ETV6: variants seen among roughly 807,000 people sequenced by gnomAD.
The protein encoded by ETV6 is ETS variant transcription factor 6, also known as transcription factor ETV6.
A neutral mutation model predicts 51.1 loss-of-function variants in ETV6; 16 were observed. That is an observed-to-expected ratio of 0.31 (90% CI 0.21 to 0.48). ETV6 has a LOEUF of 0.48. Among genes scored for constraint, ETV6 ranks in the 20% least tolerant of loss-of-function variants. The probability of loss-of-function intolerance (pLI) is 0.99; values close to 1 mark genes in which losing one functional copy is unlikely to be tolerated. For synonymous variants in ETV6, 240 were observed against 224.1 expected (o/e 1.07, Z -0.64); for missense variants, 458 against 594.8 (o/e 0.77, Z 2.39).
At chr12:11,747,250 T>G (rs1226553805) in intron 1 of ETV6, among the ~76,000 whole-genome samples, 1 of 152,214 alleles carries the variant, frequency 6.6e-6, no homozygotes, top group Non-Finnish European at 1.5e-5. Flanking sequence ...AGATGAATGT[T>G]GAGACCCAAA....
At chr12:11,691,725 C>T (rs925911298) in intron 1 of ETV6, among the ~76,000 whole-genome samples, 9 of 152,224 alleles carry the variant, frequency 5.9e-5, no homozygotes, top group African/African-American at 2.2e-4. Context: ...CGATTATACA[C>T]AGTTTATTCA....
intron 2 of ETV6, chr12:11,826,433 A>G (rs1426761533): frequency 6.6e-6 from 1 of 152,246 alleles, no homozygotes; most frequent in Admixed American, 6.5e-5. Flanking sequence ...GAAGAATCGT[A>G]AGCCATGAAT....
At chr12:11,881,900 C>G (rs2136584856) in intron 5 of ETV6, among the ~76,000 whole-genome samples, 1 of 152,314 alleles carries the variant, frequency 6.6e-6, no homozygotes, top group East Asian at 1.9e-4. Flanking sequence ...ACTGATTTCT[C>G]AAGGTACTTA....
rs867795830 is a variant in ETV6, at chr12:11,702,193, G to A, written c.34-50257G>A. On this transcript the variant is annotated intron_variant, in intron 1 of 7. Coordinates refer to ENST00000396373, the MANE Select transcript of ETV6 (RefSeq NM_001987.5). ...GCATTTTAGGCCAGAGATGGTGAGGGCCTGAAGCAAGGCAGTGAGAGAGAA... is the reference window on the plus strand; with the variant it reads ...GCATTTTAGGCCAGAGATGGTGAGGACCTGAAGCAAGGCAGTGAGAGAGAA... Among the ~76,000 whole-genome samples the A allele has an allele frequency of 4.6e-5, 7 of 152,016 alleles. No individual in the cohort carries two copies. The South Asian group carries it at 1.0e-3, about 23-fold the overall frequency.
intron 1 of ETV6, among the ~76,000 whole-genome samples, chr12:11,686,819 T>C (rs1231456296): frequency 6.6e-6 from 1 of 152,296 alleles, no homozygotes; most frequent in South Asian, 2.1e-4. Flanking sequence ...CACCTGGCCC[T>C]GCTATGACTT....
intron 2 of ETV6, among the ~76,000 whole-genome samples, chr12:11,831,704 T>A (rs773748538): frequency 6.6e-6 from 1 of 152,228 alleles, no homozygotes; most frequent in Non-Finnish European, 1.5e-5. Context: ...TATGTACACA[T>A]ACTATTTTTC....
chr12:11,844,158 G>A (rs1171649826), intron 3 of ETV6, among the ~76,000 whole-genome samples: 1 of 152,004 alleles, frequency 6.6e-6, no homozygotes. Context: ...CCTTACTTAG[G>A]GTTATCCATT....
intron 1 of ETV6, among the ~76,000 whole-genome samples, chr12:11,690,166 G>C (rs971502758): frequency 6.6e-6 from 1 of 151,368 alleles, no homozygotes; most frequent in Non-Finnish European, 1.5e-5. Context: ...GAGAAGGGGC[G>C]TAGGGATGCA....
chr12:11,694,968 T>C (rs1361953013), intron 1 of ETV6, among the ~76,000 whole-genome samples: 1 of 152,238 alleles, frequency 6.6e-6, no homozygotes, highest in East Asian at 1.9e-4. Flanking sequence ...CATGTAAAGA[T>C]GGTGTATGTC....
At chr12:11,805,554 G>C (rs1357021456) in intron 2 of ETV6, among the ~76,000 whole-genome samples, 1 of 152,220 alleles carries the variant, frequency 6.6e-6, no homozygotes, top group African/African-American at 2.4e-5. Flanking sequence ...ATACATTTAA[G>C]AGGAGACTTG....
intron 2 of ETV6, among the ~76,000 whole-genome samples, chr12:11,762,504 C>A (rs1475268212): frequency 6.6e-6 from 1 of 152,204 alleles, no homozygotes; most frequent in Non-Finnish European, 1.5e-5. Context: ...CCACACTATC[C>A]TCCCTTAGCC....
At chr12:11,721,305 A>G (rs929543846) in intron 1 of ETV6, among the ~76,000 whole-genome samples, 5 of 152,228 alleles carry the variant, frequency 3.3e-5, no homozygotes, top group Non-Finnish European at 5.9e-5. Context: ...AAGACATGGA[A>G]TCAACCTAGG....
At position 11,869,334 on chromosome 12, in the gene ETV6, C is replaced by T. The variant is rs756644995; in HGVS notation, c.464-90C>T. 6.0e-6 allele frequency: 7 copies of T among 1,159,474 alleles called. No homozygotes were observed. The highest frequency in any genetic ancestry group is 8.7e-6 in the Non-Finnish European group (7 of 808,176). 71.8% of individuals were successfully genotyped at this position (1,159,474 alleles called of 1,614,324 possible). A position where few individuals can be genotyped will look rare whatever the true frequency, so the allele number is the denominator to read the frequency against. ...AAGGTCCTTTACACATACCTACACG[C>T]TCCTCCATTTACCGCCTGTAGAGCC... On this transcript the variant is annotated intron_variant, in intron 4 of 7. Coordinates refer to ENST00000396373, the MANE Select transcript of ETV6 (RefSeq NM_001987.5). This position sits in a 1 kb window ranked among gnomAD's most constrained non-coding sequence, Gnocchi z 5.0.
At chr12:11,861,729 A>C (rs1245705665) in intron 4 of ETV6, among the ~76,000 whole-genome samples, 1 of 152,092 alleles carries the variant, frequency 6.6e-6, no homozygotes, top group Admixed American at 6.6e-5. Context: ...GTTTGATTTC[A>C]TCTCCAGAGA....
rs559777644 is a variant in ETV6 at position 11,669,255 on chromosome 12, G to A, written c.33+19095G>A. On this transcript the variant is annotated intron_variant, in intron 1 of 7. Coordinates refer to ENST00000396373, the MANE Select transcript of ETV6 (RefSeq NM_001987.5). Reference sequence around the variant, plus strand: ...CCAATCTCAAGCTTGGATTGTAAGCGACTTCGAAGTCTGATCCAAAAGACT... The same window carrying A: ...CCAATCTCAAGCTTGGATTGTAAGCAACTTCGAAGTCTGATCCAAAAGACT... Among the ~76,000 whole-genome samples, 14 of 152,176 alleles carry A rather than the reference G, an allele frequency of 9.2e-5. No homozygotes were observed. In the South Asian group the frequency reaches 2.1e-3, roughly 23 times the overall value.
chr12:11,740,636 A>G (rs549955401), intron 1 of ETV6, among the ~76,000 whole-genome samples: 1 of 152,328 alleles, frequency 6.6e-6, no homozygotes, highest in South Asian at 2.1e-4. Flanking sequence ...TAATAATATC[A>G]AGATGCTCAG....
chr12:11,750,849 G>C (rs1347106127), intron 1 of ETV6: 1 of 407,158 alleles, frequency 2.5e-6, no homozygotes, highest in African/African-American at 2.9e-5. Context: ...ACACCAAAAA[G>C]TATAACCCAT....
chr12:11,718,673 C>G (rs1024225290), intron 1 of ETV6, among the ~76,000 whole-genome samples: 1 of 151,046 alleles, frequency 6.6e-6, no homozygotes. Context: ...ACTTGGGAGG[C>G]TGAGGTGGGA....
chr12:11,859,118 GGTTTTTTTTTTTTTTTTTTTTTTTTTT>G (rs1409515463), intron 4 of ETV6, among the ~76,000 whole-genome samples: 8 of 41,794 alleles, frequency 1.9e-4, no homozygotes, highest in Non-Finnish European at 4.2e-4. Context: ...ATATGAATCT[GGTTTTTTTTTTTTTTTTTTTTTTTTTT>G]TTTTTTTTTT....
Sources: allele counts gnomAD v4.1 joint callset (sites outside exome capture counted in the v4.1 genomes callset), GRCh38; gene constraint gnomAD v4.1.1; non-coding constraint Gnocchi (gnomAD v3.1); transcripts MANE v1.5; gene names NCBI Gene and HGNC (gene_info 2026-07-23, HGNC 2026-07-21).